Variants in TRMT10A observed in about 807,000 individuals in gnomAD.
The protein encoded by TRMT10A is tRNA methyltransferase 10A.
A neutral mutation model predicts 40.4 loss-of-function variants in TRMT10A; 37 were observed. The observed-to-expected ratio is 0.92, with a 90% CI of 0.71 to 1.21. The LOEUF is 1.21. Among genes scored for constraint, TRMT10A ranks in the 50% most tolerant of loss-of-function variants. TRMT10A has a pLI of 0.00. For synonymous variants in TRMT10A, 103 were observed against 134.1 expected, an observed-to-expected ratio of 0.77 and a Z score of 1.60; for missense variants, 388 against 404.3, an observed-to-expected ratio of 0.96 and a Z score of 0.35.
rs1723795740 is a variant in TRMT10A at position 99,547,830 on chromosome 4, A to G, written c.*1258T>C. ...TTTTAAATATAACTTTTATATATTA[A>G]AAAGAAGACAAAAGAACAGCAACTT... On this transcript the variant is annotated 3_prime_UTR_variant, in exon 8 of 8. Transcript: ENST00000394876. 1 of 152,060 alleles carries G rather than the reference A, an allele frequency of 6.6e-6. No homozygotes were observed. The highest frequency in any genetic ancestry group is 2.4e-5 in the African/African-American group (1 of 41,450). 9.4% of individuals were successfully genotyped at this position (152,060 alleles called of 1,614,324 possible). A position where few individuals can be genotyped will look rare whatever the true frequency, so the allele number is the denominator to read the frequency against.
intron 1 of TRMT10A, among the ~76,000 whole-genome samples, chr4:99,561,054 C>T (rs974121184): frequency 2.0e-5 from 3 of 151,890 alleles, no homozygotes; most frequent in African/African-American, 7.3e-5. Flanking sequence ...GCAACCTCCG[C>T]CTCCCAGGTT....
chr4:99,551,067 G>T, intron 6 of TRMT10A, 77 bp from the exon 7 acceptor site: 1 of 1,072,736 alleles, frequency 9.3e-7, no homozygotes, highest in Middle Eastern at 3.1e-4. Flanking sequence ...ATAATTTTTA[G>T]ATAAGATTTA....
intron 1 of TRMT10A, 61 bp downstream of exon 1, chr4:99,563,852 C>T: frequency 1.5e-6 from 1 of 677,344 alleles, no homozygotes; most frequent in Middle Eastern, 2.4e-4. Context: ...TGGCACGCGC[C>T]CCTTTGCGTC....
rs1253290827 is a variant in TRMT10A at position 99,563,952 on chromosome 4, A to T, written c.-63T>A. 1.0e-6 allele frequency: 1 copy of T among 998,354 alleles called. No homozygotes were observed. The allele number at this position is 998,354 out of a possible 1,614,324, so 61.8% of individuals were successfully genotyped here. On this transcript the variant is annotated 5_prime_UTR_variant, in exon 1 of 8. Coordinates refer to ENST00000394876, the MANE Select transcript of TRMT10A (RefSeq NM_001134665.3). Reference sequence around the variant, plus strand: ...GACAGGGAAGTGAAATCTCAGAAAGAAAGCCTTTCTGGGTTGGCCTGGTTA... The same window carrying T: ...GACAGGGAAGTGAAATCTCAGAAAGTAAGCCTTTCTGGGTTGGCCTGGTTA...
chr4:99,557,467 C>T (rs3817083), intron 3 of TRMT10A, 51 bp from the exon 4 acceptor site: 272,096 of 1,512,656 alleles, frequency 0.18, 26,087 homozygotes, highest in South Asian at 0.3. Context: ...TGTCTATGGC[C>T]ATTCTATGAT....
At chr4:99,560,273 A>T (rs1310817233) in intron 1 of TRMT10A, among the ~76,000 whole-genome samples, 1 of 152,202 alleles carries the variant, frequency 6.6e-6, no homozygotes, top group African/African-American at 2.4e-5. Context: ...GAAAGTTGTG[A>T]TATAAAAGCA....
At chr4:99,559,766 T>C (rs12510369) in intron 1 of TRMT10A, among the ~76,000 whole-genome samples, 12,567 of 151,772 alleles carry the variant, frequency 0.083, 681 homozygotes, top group African/African-American at 0.18. Context: ...GTTAGAAACC[T>C]CCTGAATGTC....
At position 99,549,191 on chromosome 4, in the gene TRMT10A, G is replaced by A. The variant is rs749208495; in HGVS notation, c.917C>T (p.Ser306Phe). ...ATTTCTGCTATATTCCTCCTCACTG[G>A]AATCACTGTCCGATCCACCTTCCTC... ...RMEEGGSDSDSSEEEYSRNEL... is the reference protein window; with the variant it reads ...RMEEGGSDSDFSEEEYSRNEL... Residue 306 changes from serine to phenylalanine, a missense_variant, in exon 8 of 8, where the codon TCC (serine) becomes TTC (phenylalanine). Ser to Phe is a radical substitution (Grantham distance 155). Coordinates refer to ENST00000394876, the MANE Select transcript of TRMT10A (RefSeq NM_001134665.3). 4.3e-6 allele frequency: 7 copies of A among 1,613,806 alleles called. No homozygotes were observed. Among genetic ancestry groups the A allele is most frequent in the Non-Finnish European group, 5.9e-6 (7 of 1,179,966 alleles).
At chr4:99,563,206 A>G (rs972439497) in intron 1 of TRMT10A, among the ~76,000 whole-genome samples, 7 of 152,264 alleles carry the variant, frequency 4.6e-5, no homozygotes, top group African/African-American at 1.7e-4. Context: ...CCTTTTGGGC[A>G]GAGGGTTGGG....
In TRMT10A at chr4:99,548,167, T is replaced by G. The variant is rs909686046; in HGVS notation, c.*921A>C. 2 of 151,134 alleles carry G rather than the reference T, an allele frequency of 1.3e-5. No individual in the cohort carries two copies. Among genetic ancestry groups the G allele is most frequent in the African/African-American group, 4.9e-5 (2 of 41,070 alleles). 9.4% of individuals were successfully genotyped at this position (151,134 alleles called of 1,614,324 possible). On this transcript the variant is annotated 3_prime_UTR_variant, in exon 8 of 8. Coordinates refer to ENST00000394876, the MANE Select transcript of TRMT10A (RefSeq NM_001134665.3). ...TGATGAGGATAGTTATGTATTTACA[T>G]GCATATTATCACATGTGTATTTGAT...
chr4:99,563,879 G>A, intron 1 of TRMT10A, 34 bp downstream of exon 1: 1 of 704,478 alleles, frequency 1.4e-6, no homozygotes, highest in Non-Finnish European at 2.6e-6. Context: ...ATACCATAGT[G>A]CGGGGGAGCG....
At chr4:99,549,439 G>GCCAAGATGGCCGAA in intron 7 of TRMT10A, 83 bp from the exon 8 acceptor site, 4 of 1,502,660 alleles carry the variant, frequency 2.7e-6, no homozygotes, top group Non-Finnish European at 3.6e-6. Context: ...CATTGCCTTT[G>GCCAAGATGGCCGAA]TGTTAAGAGT....
At chr4:99,552,892 G>T (rs965977084) in intron 6 of TRMT10A, among the ~76,000 whole-genome samples, 1 of 151,936 alleles carries the variant, frequency 6.6e-6, no homozygotes, top group African/African-American at 2.4e-5. Context: ...ACTTGGTGGG[G>T]GGGGGAGGCA....
intron 6 of TRMT10A, among the ~76,000 whole-genome samples, chr4:99,553,166 G>T (rs549621364): frequency 1.3e-5 from 2 of 152,184 alleles, no homozygotes; most frequent in African/African-American, 4.8e-5. Flanking sequence ...CAGTCATACT[G>T]TACACATTTC....
At position 99,548,172 on chromosome 4, in the gene TRMT10A, AT is replaced by A. The variant is rs1221529236; in HGVS notation, c.*915del. 6.7e-6 allele frequency: 1 copy of A among 149,552 alleles called. No homozygotes were observed. The highest frequency in any genetic ancestry group is 1.5e-5 in the Non-Finnish European group (1 of 67,242). 9.3% of individuals were successfully genotyped at this position (149,552 alleles called of 1,614,324 possible). A position where few individuals can be genotyped will look rare whatever the true frequency, so the allele number is the denominator to read the frequency against. On this transcript the variant is annotated 3_prime_UTR_variant, in exon 8 of 8. Transcript: ENST00000394876. ...AGGATAGTTATGTATTTACATGCAT[AT>A]TATCACATGTGTATTTGATTTATAG...
At chr4:99,563,396 C>T (rs553098204) in intron 1 of TRMT10A, 1 of 156,772 alleles carries the variant, frequency 6.4e-6, no homozygotes, top group Non-Finnish European at 1.4e-5. Flanking sequence ...GGGCTCTCTA[C>T]ATTTCAGAGA....
At position 99,551,010 on chromosome 4, in the gene TRMT10A, A is replaced by G. The variant is rs1723943159; in HGVS notation, c.646-20T>C. On this transcript the variant is annotated intron_variant, in intron 6 of 7. Transcript: ENST00000394876. The stretch of plus-strand genomic sequence containing the variant: ...GAGTCCCTAAAACAAAGACACTATG[A>G]CTTCGACAAGAACATTAAATTATTT... 1 of 1,526,474 alleles carries G rather than the reference A, an allele frequency of 6.6e-7. No individual in the cohort carries two copies. Among genetic ancestry groups the G allele is most frequent in the Non-Finnish European group, 9.0e-7 (1 of 1,112,588 alleles). 94.6% of individuals were successfully genotyped at this position (1,526,474 alleles called of 1,614,324 possible). A position where few individuals can be genotyped will look rare whatever the true frequency, so the allele number is the denominator to read the frequency against.
chr4:99,555,315 G>A (rs903817834), intron 5 of TRMT10A, among the ~76,000 whole-genome samples: 4 of 152,140 alleles, frequency 2.6e-5, no homozygotes, highest in Non-Finnish European at 5.9e-5. Flanking sequence ...GAGTGTGAAA[G>A]GGAAAGTGTG....
chr4:99,558,407 G>A (rs568430058), intron 2 of TRMT10A, among the ~76,000 whole-genome samples, 196 bp from the exon 3 acceptor site: 181 of 152,094 alleles, frequency 1.2e-3, no homozygotes, highest in African/African-American at 4.0e-3. Context: ...AAGGAAATGA[G>A]CTTCCAAAAA....
Sources: gnomAD v4.1 joint callset for allele counts (sites outside exome capture counted in the v4.1 genomes callset) on GRCh38, gnomAD v4.1.1 for gene constraint, MANE v1.5 for transcripts, NCBI Gene and HGNC (gene_info 2026-07-23, HGNC 2026-07-21) for gene names.